FAM118A: variants seen among roughly 807,000 people sequenced by gnomAD.
FAM118A encodes SIR2 antiphage like 2.
FAM118A carries 25 observed loss-of-function variants against 38.2 expected under a neutral mutation model. The ratio of observed to expected loss-of-function variants is 0.65; its 90% confidence interval spans 0.48 to 0.91. The LOEUF (loss-of-function observed/expected upper bound fraction) is 0.91. Among genes scored for constraint, FAM118A ranks in the 40% least tolerant of loss-of-function variants. The pLI, the probability that FAM118A is intolerant of heterozygous loss-of-function variation, is 0.00. For missense variants in FAM118A, 425 were observed against 463.3 expected (o/e 0.92, Z 0.76); for synonymous variants, 178 against 184.1 (o/e 0.97, Z 0.27).
At chr22:45,321,324 A>G (rs1033559903) in intron 1 of FAM118A, among the ~76,000 whole-genome samples, 2 of 152,076 alleles carry the variant, frequency 1.3e-5, no homozygotes, top group Non-Finnish European at 2.9e-5. Context: ...TATAGGCAAA[A>G]CCTTATTTTT....
chr22:45,336,505 C>T, intron 8 of FAM118A, 94 bp downstream of exon 8: 1 of 938,758 alleles, frequency 1.1e-6, no homozygotes, highest in Non-Finnish European at 1.7e-6. Flanking sequence ...TGCCCCGCGC[C>T]CTATGGTGGG....
chr22:45,330,864 C>A, intron 5 of FAM118A, 133 bp downstream of exon 5: 1 of 1,013,066 alleles, frequency 9.9e-7, no homozygotes, highest in Non-Finnish European at 1.3e-6. Context: ...CACACAGTTG[C>A]TGAGGGAGGG....
upstream of FAM118A, chr22:45,308,994 TG>T (rs1198767050): frequency 6.6e-6 from 1 of 152,278 alleles, no homozygotes; most frequent in Non-Finnish European, 1.5e-5. Flanking sequence ...AAGACTTCAG[TG>T]GCAGACAAAG....
At position 45,323,434 on chromosome 22, in the gene FAM118A, G is replaced by C. The variant is rs2085027223; in HGVS notation, c.300+7G>C. On this transcript the variant is annotated splice_region_variant and intron_variant, in intron 3 of 8. Coordinates refer to ENST00000441876, the MANE Select transcript of FAM118A (RefSeq NM_017911.4). ...GATCCGGAAGATGTCACCTGTAAGT[G>C]TCAGACAAGTACCTCTTGGGGACAG... The C allele has an allele frequency of 1.2e-6, 2 of 1,610,804 alleles. No homozygotes were observed. Among genetic ancestry groups the C allele is most frequent in the African/African-American group, 1.3e-5 (1 of 74,884 alleles).
Position 45,323,135 on chromosome 22 carries a change from G to A in FAM118A, c.48-40G>A, listed in dbSNP as rs779743303. On this transcript the variant is annotated intron_variant, in intron 2 of 8. Transcript: ENST00000441876. ...CAGACTTTGTGTTTGCAATGTTTCC[G>A]CTTTGACTTTCATTCTCTTGCTCCC... is the stretch of plus-strand genomic sequence containing the variant. 3.5e-5 allele frequency: 56 copies of A among 1,599,008 alleles called. 1 individual carries two copies. The highest frequency in any genetic ancestry group is 2.3e-4 in the South Asian group (21 of 90,770).
At chr22:45,327,764 C>A in intron 3 of FAM118A, 78 bp from the exon 4 acceptor site, 2 of 1,446,356 alleles carry the variant, frequency 1.4e-6, no homozygotes, top group Non-Finnish European at 1.9e-6. Context: ...TCTCTGGCAC[C>A]CAGAAAATGG....
chr22:45,311,580 C>A (rs1196553683), intron 1 of FAM118A, among the ~76,000 whole-genome samples: 1 of 152,086 alleles, frequency 6.6e-6, no homozygotes, highest in East Asian at 1.9e-4. Flanking sequence ...GAGAGCCAGT[C>A]AGGACCAAAG....
chr22:45,327,439 C>T (rs6006987), intron 3 of FAM118A, among the ~76,000 whole-genome samples: 1 of 151,898 alleles, frequency 6.6e-6, no homozygotes, highest in Non-Finnish European at 1.5e-5. Flanking sequence ...CTCCTGCCTC[C>T]GTGGCCTCTT....
intron 3 of FAM118A, among the ~76,000 whole-genome samples, chr22:45,327,498 C>T (rs1381805998): frequency 2.0e-5 from 3 of 152,174 alleles, no homozygotes; most frequent in Non-Finnish European, 4.4e-5. Flanking sequence ...GTGGCCCTTG[C>T]TCTTCCCTCT....
intron 6 of FAM118A, among the ~76,000 whole-genome samples, chr22:45,333,230 TTAAAG>T (rs1482466710): frequency 6.6e-6 from 1 of 152,156 alleles, no homozygotes; most frequent in Non-Finnish European, 1.5e-5. Context: ...AACTAGAACT[TTAAAG>T]TAACTTCAGG....
chr22:45,327,685 CCT>C (rs1232149313), intron 3 of FAM118A, among the ~76,000 whole-genome samples, 155 bp from the exon 4 acceptor site: 2 of 152,342 alleles, frequency 1.3e-5, no homozygotes, highest in Admixed American at 6.5e-5. Context: ...GTGAGCATCC[CCT>C]GTCCCCCTGC....
intron 1 of FAM118A, among the ~76,000 whole-genome samples, chr22:45,314,308 A>C (rs570548993): frequency 6.6e-6 from 1 of 152,214 alleles, no homozygotes; most frequent in Non-Finnish European, 1.5e-5. Flanking sequence ...CGCCTCTTCT[A>C]TCTGCCTAAT....
In FAM118A at chr22:45,332,570, A is replaced by C. The variant is rs1032195859; in HGVS notation, c.797A>C (p.Glu266Ala). The change falls in exon 6 of 9, where the codon GAG (glutamate) becomes GCG (alanine). Residue 266 changes from glutamate (E) to alanine (A), a missense_variant. Transcript: ENST00000441876. The part of the protein sequence containing the change: ...DLEHYMLVLK[E>A]NEDHFFKHQA... ...GAGCACTACATGCTTGTGCTGAAGG[A>C]GAATGAAGACCATTTCTTTAAGCAT... 11 of 1,614,140 alleles carry C rather than the reference A, an allele frequency of 6.8e-6. No individual in the cohort carries two copies. Among genetic ancestry groups the C allele is most frequent in the Non-Finnish European group, 9.3e-6 (11 of 1,180,022 alleles).
chr22:45,326,313 G>T (rs549128765), intron 3 of FAM118A, among the ~76,000 whole-genome samples: 12 of 152,140 alleles, frequency 7.9e-5, no homozygotes, highest in Non-Finnish European at 1.8e-4. Flanking sequence ...GACAGCTCCT[G>T]TCAAGGCCAC....
chr22:45,324,812 C>T lies in FAM118A; in HGVS notation c.300+1385C>T, dbSNP rs190356898. 8.3e-3 allele frequency among the ~76,000 whole-genome samples: 1,261 copies of T among 152,190 alleles called. 20 individuals carry two copies. The highest frequency in any genetic ancestry group is 0.029 in the African/African-American group (1,217 of 41,532). On this transcript the variant is annotated intron_variant, in intron 3 of 8. Coordinates refer to ENST00000441876, the MANE Select transcript of FAM118A (RefSeq NM_017911.4). Reference sequence around the variant, plus strand: ...CTGTAATCCCAGCACTTTGGGAGGCCGAGGCAGGCAGATCACCTGAGGTCA... The same window carrying T: ...CTGTAATCCCAGCACTTTGGGAGGCTGAGGCAGGCAGATCACCTGAGGTCA...
intron 4 of FAM118A, among the ~76,000 whole-genome samples, chr22:45,330,242 G>A (rs1601955798): frequency 1.3e-5 from 2 of 152,124 alleles, no homozygotes; most frequent in East Asian, 1.9e-4. Context: ...GTCTCACTTT[G>A]TTGCCCAGGC....
intron 8 of FAM118A, chr22:45,338,055 C>CT (rs774416824): frequency 2.8e-4 from 53 of 188,350 alleles, no homozygotes; most frequent in South Asian, 7.2e-4. Flanking sequence ...AGGTGGAAAA[C>CT]TTTTTTACCT....
At position 45,323,195 on chromosome 22, in the gene FAM118A, T is replaced by A; in HGVS notation, c.68T>A (p.Ile23Asn). Residue 23 changes from isoleucine (I) to asparagine (N), a missense_variant, in exon 3 of 9, where the codon ATC becomes AAC. Coordinates refer to ENST00000441876, the MANE Select transcript of FAM118A (RefSeq NM_017911.4). ...QKSRKFLKSL[I>N]RKQPQELLLV... ...AGTAGAAAGTTTTTAAAAAGCCTCA[T>A]CCGGAAACAGCCCCAGGAACTGCTC... is the stretch of plus-strand genomic sequence containing the variant. The A allele has an allele frequency of 1.2e-6, 2 of 1,611,974 alleles. No homozygotes were observed. Among genetic ancestry groups the A allele is most frequent in the Non-Finnish European group, 1.7e-6 (2 of 1,178,132 alleles).
At chr22:45,323,697 C>G (rs2085050837) in intron 3 of FAM118A, among the ~76,000 whole-genome samples, 1 of 152,190 alleles carries the variant, frequency 6.6e-6, no homozygotes, top group South Asian at 2.1e-4. Flanking sequence ...TGTCCAGCTG[C>G]ACTCAGTATG....
Sources: allele counts gnomAD v4.1 joint callset (sites outside exome capture counted in the v4.1 genomes callset), GRCh38; gene constraint gnomAD v4.1.1; transcripts MANE v1.5; gene names NCBI Gene and HGNC (gene_info 2026-07-23, HGNC 2026-07-21).